The following CLTCL1 variants were observed in gnomAD, a reference collection of about 807,000 sequenced individuals.
The protein encoded by CLTCL1 is clathrin heavy chain 2.
Under a neutral mutation model 190.0 loss-of-function variants are expected in CLTCL1, and 159 were observed. That is an observed-to-expected ratio of 0.84 (90% CI 0.74 to 0.95). CLTCL1 has a LOEUF of 0.95. CLTCL1 is among the 40% of genes least tolerant of loss of function. The probability of loss-of-function intolerance (pLI) is 0.00; values close to 1 mark genes in which losing one functional copy is unlikely to be tolerated. For synonymous variants in CLTCL1, 752 were observed against 769.6 expected (o/e 0.98, Z 0.38); for missense variants, 1,878 against 2,033.4 (o/e 0.92, Z 1.47).
In CLTCL1 at chr22:19,234,619, C is replaced by T. The variant is rs782319695; in HGVS notation, c.1057G>A (p.Val353Ile). 60 of 1,613,860 alleles carry T rather than the reference C, an allele frequency of 3.7e-5. No homozygotes were observed. The highest frequency in any genetic ancestry group is 1.3e-4 in the African/African-American group (10 of 74,920). Residue 353 changes from valine (V) to isoleucine (I), a missense_variant, in exon 7 of 33, where the codon GTT becomes ATT. Coordinates refer to ENST00000427926, the MANE Select transcript of CLTCL1 (RefSeq NM_007098.4). ...QNPDLGLRLA[V>I]RSNLAGAEKL... ...TCTGCCCCAGCCAGGTTACTACGAA[C>T]GGCCAAACGCAGACCAAGGTCTGGA...
intron 2 of CLTCL1, among the ~76,000 whole-genome samples, chr22:19,267,553 C>A (rs937906224): frequency 2.0e-5 from 3 of 152,146 alleles, no homozygotes; most frequent in African/African-American, 4.8e-5. Flanking sequence ...TATCTGACTT[C>A]CAAATTACCA....
chr22:19,201,438 C>T lies in CLTCL1; in HGVS notation c.3656G>A (p.Ser1219Asn). 3.1e-6 allele frequency: 5 copies of T among 1,613,896 alleles called. No individual in the cohort carries two copies. The South Asian group carries it at 5.5e-5, about 18-fold the overall frequency. ...GMYEAAKLLY[S>N]NVSNFARLAS... ...CAGGCGGGCAAAGTTAGAAACATTG[C>T]TATAGAGCAGCTTGGCAGCCTCGTA... The change falls in exon 23 of 33, where the codon AGC becomes AAC. Residue 1219 changes from serine to asparagine, a missense_variant. By Grantham distance (46) the Ser-to-Asn change is conservative. Transcript: ENST00000427926.
At chr22:19,230,888 T>C (rs914399026) in intron 10 of CLTCL1, among the ~76,000 whole-genome samples, 1 of 152,120 alleles carries the variant, frequency 6.6e-6, no homozygotes, top group Non-Finnish European at 1.5e-5. Flanking sequence ...CCACTCTCAA[T>C]GTCGGGGAAC....
intron 1 of CLTCL1, among the ~76,000 whole-genome samples, chr22:19,282,867 T>C (rs530542729): frequency 2.0e-5 from 3 of 151,042 alleles, no homozygotes; most frequent in East Asian, 3.9e-4. Context: ...TCTTTCTTTC[T>C]TTCCTTTTTT....
At chr22:19,258,673 G>T in intron 2 of CLTCL1, 1 of 656,758 alleles carries the variant, frequency 1.5e-6, no homozygotes, top group East Asian at 3.0e-5. Context: ...CTGGAAGATG[G>T]GGAGGACTTC....
chr22:19,221,978 A>G lies in CLTCL1; in HGVS notation c.2534T>C (p.Leu845Ser). 1 of 1,614,024 alleles carries G rather than the reference A, an allele frequency of 6.2e-7. No homozygotes were observed. The highest frequency in any genetic ancestry group is 8.5e-7 in the Non-Finnish European group (1 of 1,179,894). The change falls in exon 16 of 33, where the codon TTG (leucine) becomes TCG (serine). Residue 845 changes from leucine (L) to serine (S), a missense_variant. Leu to Ser is a moderately radical substitution (Grantham distance 145). Coordinates refer to ENST00000427926, the MANE Select transcript of CLTCL1 (RefSeq NM_007098.4). ...AVRGQFSTDELVAEVEKRNRL... is the reference protein window; with the variant it reads ...AVRGQFSTDESVAEVEKRNRL... ...ATTTCTTTTTTCTACTTCAGCCACC[A>G]ACTCATCAGTAGAGAACTGTCCTCT... is the stretch of plus-strand genomic sequence containing the variant.
intron 19 of CLTCL1, among the ~76,000 whole-genome samples, chr22:19,215,451 C>G (rs572123665): frequency 9.3e-4 from 141 of 152,304 alleles, no homozygotes; most frequent in Non-Finnish European, 1.8e-3. Flanking sequence ...CTGGCCCATG[C>G]GGAAGCACGC....
chr22:19,241,498 C>A (rs188769064), intron 4 of CLTCL1, among the ~76,000 whole-genome samples: 3 of 152,366 alleles, frequency 2.0e-5, no homozygotes, highest in Admixed American at 1.3e-4. Context: ...TGTTACTCAA[C>A]AGGAGGCCAA....
chr22:19,217,757 A>G (rs1412298895), intron 18 of CLTCL1, among the ~76,000 whole-genome samples: 5 of 151,568 alleles, frequency 3.3e-5, no homozygotes, highest in Non-Finnish European at 5.9e-5. Context: ...CTGAGGCAGG[A>G]GAATCACTTG....
intron 4 of CLTCL1, among the ~76,000 whole-genome samples, chr22:19,240,963 CA>C (rs1472439398): frequency 1.1e-4 from 16 of 152,242 alleles, no homozygotes; most frequent in Admixed American, 9.2e-4. Flanking sequence ...CCCAAAAGGA[CA>C]GGTGAGTCCT....
intron 22 of CLTCL1, chr22:19,207,484 A>AT: frequency 2.5e-6 from 1 of 400,734 alleles, no homozygotes; most frequent in South Asian, 1.3e-4. Context: ...ATGGGTCTCA[A>AT]TTTCCATACC....
chr22:19,259,929 G>A (rs1175469357), intron 2 of CLTCL1, among the ~76,000 whole-genome samples: 4 of 152,176 alleles, frequency 2.6e-5, no homozygotes, highest in African/African-American at 9.7e-5. Flanking sequence ...GAACACAAAG[G>A]AAAAGTTATT....
At chr22:19,266,090 C>G (rs1192093100) in intron 2 of CLTCL1, among the ~76,000 whole-genome samples, 1 of 151,944 alleles carries the variant, frequency 6.6e-6, no homozygotes, top group Non-Finnish European at 1.5e-5. Flanking sequence ...CCTATGTTGC[C>G]CAGGCTGGTC....
Position 19,225,475 on chromosome 22 carries a change from A to G in CLTCL1, c.2106T>C (p.Phe702=). Residue 702 remains phenylalanine (F), a synonymous_variant, in exon 13 of 33, where the codon TTT becomes TTC. Transcript: ENST00000427926. ...QLGTQALVEL[F]ESFKSYKGLF... ...TACCTTTGTAACTCTTGAAGGATTC[A>G]AAGAGCTCCACCAGGGCCTGCGTGC... is the stretch of plus-strand genomic sequence containing the variant. The G allele has an allele frequency of 1.3e-6, 2 of 1,585,358 alleles. No homozygotes were observed. The highest frequency in any genetic ancestry group is 1.8e-5 in the Admixed American group (1 of 56,126).
chr22:19,253,812 C>T (rs1417629028), intron 3 of CLTCL1, 147 bp downstream of exon 3: 56 of 917,878 alleles, frequency 6.1e-5, no homozygotes, highest in African/African-American at 1.2e-4. Flanking sequence ...GAGATCCTCC[C>T]GCCTCGGCCT....
At chr22:19,263,816 C>T (rs1319741778) in intron 2 of CLTCL1, among the ~76,000 whole-genome samples, 4 of 152,142 alleles carry the variant, frequency 2.6e-5, no homozygotes, top group African/African-American at 7.2e-5. Context: ...TTTATATGCA[C>T]TGGGAAACCA....
In CLTCL1 at chr22:19,208,935, T is replaced by A; in HGVS notation, c.3429A>T (p.Ser1143=). 1 of 1,607,920 alleles carries A rather than the reference T, an allele frequency of 6.2e-7. No homozygotes were observed. Among genetic ancestry groups the A allele is most frequent in the South Asian group, 1.1e-5 (1 of 89,692 alleles). ...GGACTCACTTACTGCTCCTGCTGGC[T>A]GACTGAACAACTTCCAGGTAAGAGG... ...DPSSYLEVVQ[S]ASRSNNWEDL... is the part of the protein sequence containing the mutation. The change falls in exon 21 of 33, where the codon TCA becomes TCT. Residue 1143 remains serine (S), a synonymous_variant. Transcript: ENST00000427926.
chr22:19,291,149 C>T (rs1299276944), intron 1 of CLTCL1, among the ~76,000 whole-genome samples: 1 of 152,218 alleles, frequency 6.6e-6, no homozygotes, highest in African/African-American at 2.4e-5. Context: ...TCTTGGGTCA[C>T]GCATGTTCAC....
At chr22:19,208,133 C>A (rs529932244) in intron 22 of CLTCL1, 21 bp downstream of exon 22, 2 of 1,613,580 alleles carry the variant, frequency 1.2e-6, no homozygotes, top group African/African-American at 1.3e-5. Flanking sequence ...CAGTGCACAG[C>A]CCCCAGGGGG....
Sources: gnomAD v4.1 joint callset for allele counts (sites outside exome capture counted in the v4.1 genomes callset) on GRCh38, gnomAD v4.1.1 for gene constraint, MANE v1.5 for transcripts, NCBI Gene and HGNC (gene_info 2026-07-23, HGNC 2026-07-21) for gene names.